Variants in DENND1A observed in about 807,000 individuals in gnomAD.
The protein encoded by DENND1A is DENN domain-containing protein 1A.
In DENND1A, 51 loss-of-function variants were observed where a neutral mutation model predicts 113.7. The ratio of observed to expected loss-of-function variants is 0.45; its 90% CI spans 0.36 to 0.57. DENND1A has a LOEUF of 0.57. DENND1A is among the 20% of genes least tolerant of loss of function. The pLI is 0.00. For synonymous variants in DENND1A, 565 were observed against 570.8 expected, an observed-to-expected ratio of 0.99 and a Z score of 0.14; for missense variants, 1,258 against 1,395.9, an observed-to-expected ratio of 0.90 and a Z score of 1.57.
chr9:123,741,987 G>A (rs761973410), intron 5 of DENND1A, among the ~76,000 whole-genome samples: 11 of 152,188 alleles, frequency 7.2e-5, no homozygotes, highest in African/African-American at 1.4e-4. Flanking sequence ...TTTGAAAGAC[G>A]TGTCCAATTC....
At chr9:123,410,023 C>A (rs546101877) in intron 20 of DENND1A, among the ~76,000 whole-genome samples, 1 of 152,134 alleles carries the variant, frequency 6.6e-6, no homozygotes, top group Non-Finnish European at 1.5e-5. Flanking sequence ...ATCCAGGAGG[C>A]GGAGCCTGCA....
At chr9:123,625,829 A>G (rs965931394) in intron 10 of DENND1A, among the ~76,000 whole-genome samples, 1 of 152,184 alleles carries the variant, frequency 6.6e-6, no homozygotes, top group Non-Finnish European at 1.5e-5. Flanking sequence ...CAGCTCTACC[A>G]ATCCCTGCAG....
intron 5 of DENND1A, among the ~76,000 whole-genome samples, chr9:123,741,964 T>C (rs2069064511): frequency 6.6e-6 from 1 of 152,246 alleles, no homozygotes; most frequent in African/African-American, 2.4e-5. Flanking sequence ...GATGTGTCTA[T>C]TCCAGCAGAA....
chr9:123,918,138 T>TAAAAG (rs1564505085), intron 1 of DENND1A, among the ~76,000 whole-genome samples: 1 of 148,260 alleles, frequency 6.7e-6, no homozygotes, highest in Non-Finnish European at 1.5e-5. Flanking sequence ...AATAAATAAA[T>TAAAAG]AAAAGAAAAG....
At chr9:123,829,383 C>CA (rs150734601) in intron 2 of DENND1A, among the ~76,000 whole-genome samples, 1 of 151,236 alleles carries the variant, frequency 6.6e-6, no homozygotes, top group Middle Eastern at 3.4e-3. Flanking sequence ...GATGAACTCA[C>CA]AAAAAAAATT....
intron 5 of DENND1A, chr9:123,751,892 T>A (rs978424908): frequency 6.6e-6 from 1 of 152,234 alleles, no homozygotes; most frequent in Non-Finnish European, 1.5e-5. Flanking sequence ...GGGCACTGTC[T>A]AATCTGTGAC....
intron 1 of DENND1A, among the ~76,000 whole-genome samples, chr9:123,924,578 G>A (rs1470437275): frequency 6.6e-6 from 1 of 151,742 alleles, no homozygotes; most frequent in African/African-American, 2.4e-5. Flanking sequence ...CTGAACCCAG[G>A]AGGCGGAGGT....
chr9:123,437,198 A>G (rs1394930893), intron 19 of DENND1A, among the ~76,000 whole-genome samples: 1 of 152,200 alleles, frequency 6.6e-6, no homozygotes, highest in Non-Finnish European at 1.5e-5. Flanking sequence ...CTGAGAACTT[A>G]TTTATCTTAC....
intron 2 of DENND1A, among the ~76,000 whole-genome samples, chr9:123,868,751 T>C (rs192423592): frequency 6.6e-6 from 1 of 152,316 alleles, no homozygotes; most frequent in African/African-American, 2.4e-5. Context: ...TATACCCAGA[T>C]GGCCCCTAAA....
At chr9:123,472,977 G>A (rs553320110) in intron 13 of DENND1A, among the ~76,000 whole-genome samples, 9 of 152,316 alleles carry the variant, frequency 5.9e-5, no homozygotes, top group African/African-American at 1.9e-4. Flanking sequence ...GGCTGGGTCA[G>A]TGTCCCTCCT....
intron 5 of DENND1A, among the ~76,000 whole-genome samples, chr9:123,735,196 C>G (rs1406652880): frequency 1.3e-5 from 2 of 152,044 alleles, no homozygotes; most frequent in African/African-American, 4.8e-5. Context: ...TTAAAATACC[C>G]CTATTTCCAC....
chr9:123,411,794 C>T lies in DENND1A; in HGVS notation c.1524G>A (p.Lys508=). The change falls in exon 20 of 24, where the codon AAG becomes AAA. Residue 508 remains lysine (K), a synonymous_variant. Transcript: ENST00000394215. ...TACTCACGGGCCTCGAGCGCTGTAT[C>T]TTGGGAGGCGGTCGGGTGGGACGCA... The part of the protein sequence containing the change: ...QRLRPTRPPP[K]IQRSRPVRPP... 1 of 985,994 alleles carries T rather than the reference C, an allele frequency of 1.0e-6. No individual in the cohort carries two copies. The highest frequency in any genetic ancestry group is 1.2e-6 in the Non-Finnish European group (1 of 830,062). 61.1% of individuals were successfully genotyped at this position (985,994 alleles called of 1,614,324 possible).
chr9:123,403,879 G>A (rs1030690262), intron 20 of DENND1A, among the ~76,000 whole-genome samples: 2 of 152,190 alleles, frequency 1.3e-5, no homozygotes, highest in South Asian at 4.1e-4. Flanking sequence ...CCAGAAGCTG[G>A]TTTTGTAGAA....
intron 5 of DENND1A, among the ~76,000 whole-genome samples, chr9:123,698,671 G>C (rs1243109727): frequency 2.0e-5 from 3 of 152,172 alleles, no homozygotes; most frequent in African/African-American, 7.2e-5. Context: ...GGATCCCTTA[G>C]ATTCGTTCCC....
chr9:123,752,049 C>T (rs1482262579), intron 5 of DENND1A: 2 of 152,146 alleles, frequency 1.3e-5, no homozygotes, highest in Non-Finnish European at 2.9e-5. Context: ...AGATGGATAT[C>T]AAAATCAGAG....
chr9:123,423,864 G>A (rs2045509358), intron 19 of DENND1A, among the ~76,000 whole-genome samples: 1 of 152,178 alleles, frequency 6.6e-6, no homozygotes, highest in South Asian at 2.1e-4. Context: ...TAAACAACTG[G>A]ATGTTCTCCA....
intron 10 of DENND1A, among the ~76,000 whole-genome samples, chr9:123,614,884 G>A (rs2060575873): frequency 1.3e-5 from 2 of 152,204 alleles, no homozygotes; most frequent in Admixed American, 1.3e-4. Flanking sequence ...GAGGTCTTAT[G>A]TGAGCTTTTC....
intron 12 of DENND1A, among the ~76,000 whole-genome samples, chr9:123,562,814 G>A (rs1440219420): frequency 6.6e-6 from 1 of 152,144 alleles, no homozygotes; most frequent in Admixed American, 6.5e-5. Flanking sequence ...CTAAGTCTGG[G>A]CCTCCTTGGA....
At chr9:123,923,246 T>C (rs888890479) in intron 1 of DENND1A, among the ~76,000 whole-genome samples, 6 of 152,214 alleles carry the variant, frequency 3.9e-5, no homozygotes, top group Non-Finnish European at 8.8e-5. Flanking sequence ...TTGACTACAA[T>C]GGCTAAGAAA....
Sources: gnomAD v4.1 joint callset for allele counts (sites outside exome capture counted in the v4.1 genomes callset) on GRCh38, gnomAD v4.1.1 for gene constraint, MANE v1.5 for transcripts, NCBI Gene and HGNC (gene_info 2026-07-23, HGNC 2026-07-21) for gene names.